Variants in GRM8 observed in about 807,000 individuals in gnomAD.
GRM8 encodes the protein glutamate metabotropic receptor 8, also known as metabotropic glutamate receptor 8.
In GRM8, 47 loss-of-function variants were observed where a neutral mutation model predicts 87.2. The ratio of observed to expected loss-of-function variants is 0.54; its 90% CI spans 0.43 to 0.69. The LOEUF (loss-of-function observed/expected upper bound fraction) is 0.69. GRM8 is among the 30% of genes least tolerant of loss of function. GRM8 has a pLI of 0.00. For missense variants in GRM8, 1,019 were observed against 1,139.2 expected (o/e 0.89, Z 1.52); for synonymous variants, 396 against 404.5 (o/e 0.98, Z 0.25).
At chr7:126,643,563 T>C (rs1802714397) in intron 7 of GRM8, among the ~76,000 whole-genome samples, 1 of 151,820 alleles carries the variant, frequency 6.6e-6, no homozygotes, top group Admixed American at 6.6e-5. Context: ...AAAGGATAAT[T>C]AAAAGCAACA....
At chr7:127,134,900 C>T (rs1261976771) in intron 2 of GRM8, among the ~76,000 whole-genome samples, 1 of 152,120 alleles carries the variant, frequency 6.6e-6, no homozygotes, top group South Asian at 2.1e-4. Flanking sequence ...AAACAGCTAA[C>T]ATTTCTGCAA....
At chr7:126,473,251 G>T (rs142020145) in intron 9 of GRM8, among the ~76,000 whole-genome samples, 1 of 152,282 alleles carries the variant, frequency 6.6e-6, no homozygotes. Context: ...CCGGAACTGG[G>T]GTGGTATTCT....
intron 8 of GRM8, among the ~76,000 whole-genome samples, chr7:126,608,250 A>C (rs541928469): frequency 1.4e-4 from 22 of 151,976 alleles, no homozygotes; most frequent in African/African-American, 5.3e-4. Flanking sequence ...GATGGTACCT[A>C]GCAGCTCTCC....
chr7:126,893,665 T>C (rs892827403), intron 6 of GRM8, among the ~76,000 whole-genome samples: 26 of 151,990 alleles, frequency 1.7e-4, no homozygotes, highest in African/African-American at 5.6e-4. Context: ...TACAAACTAT[T>C]GTCTGACTAT....
intron 7 of GRM8, among the ~76,000 whole-genome samples, chr7:126,759,021 C>T (rs894932149): frequency 6.6e-6 from 1 of 152,066 alleles, no homozygotes; most frequent in Non-Finnish European, 1.5e-5. Context: ...CCTCAGCCTC[C>T]CTAGCAGCTG....
intron 3 of GRM8, among the ~76,000 whole-genome samples, chr7:127,061,417 A>C (rs953528180): frequency 1.3e-5 from 2 of 152,200 alleles, no homozygotes; most frequent in Non-Finnish European, 2.9e-5. Context: ...ATTTTTAACC[A>C]AAAAAATACA....
At chr7:127,143,318 T>C (rs1274782991) in intron 2 of GRM8, among the ~76,000 whole-genome samples, 1 of 152,098 alleles carries the variant, frequency 6.6e-6, no homozygotes, top group African/African-American at 2.4e-5. Context: ...GGCAAACCAT[T>C]GAAATTGTGA....
At chr7:126,892,118 T>A (rs1197937102) in intron 6 of GRM8, among the ~76,000 whole-genome samples, 1 of 151,610 alleles carries the variant, frequency 6.6e-6, no homozygotes, top group Admixed American at 6.6e-5. Context: ...TTGTATAACT[T>A]TTTACATTTT....
At chr7:126,883,062 C>G (rs1800165651) in intron 6 of GRM8, among the ~76,000 whole-genome samples, 2 of 152,272 alleles carry the variant, frequency 1.3e-5, no homozygotes, top group Middle Eastern at 3.4e-3. Flanking sequence ...TCTCCTTGGT[C>G]AAGGGGAGAC....
At chr7:127,130,051 G>T (rs147207134) in intron 2 of GRM8, among the ~76,000 whole-genome samples, 2 of 152,202 alleles carry the variant, frequency 1.3e-5, no homozygotes, top group East Asian at 3.9e-4. Context: ...GAGATCTAAT[G>T]GTTTAAAAGT....
intron 9 of GRM8, among the ~76,000 whole-genome samples, chr7:126,494,479 A>G (rs1233236947): frequency 6.6e-6 from 1 of 152,056 alleles, no homozygotes; most frequent in Non-Finnish European, 1.5e-5. Context: ...TCTTGATGTT[A>G]ATCATTTATA....
At chr7:126,960,354 A>G (rs1233593071) in intron 3 of GRM8, among the ~76,000 whole-genome samples, 1 of 152,198 alleles carries the variant, frequency 6.6e-6, no homozygotes, top group Non-Finnish European at 1.5e-5. Flanking sequence ...TACTCCCTCT[A>G]AAAAACACAA....
intron 2 of GRM8, among the ~76,000 whole-genome samples, chr7:127,181,634 G>C (rs561377954): frequency 2.0e-4 from 31 of 152,014 alleles, no homozygotes; most frequent in Non-Finnish European, 3.7e-4. Context: ...CATGGTACTG[G>C]TATAAAAATA....
At chr7:126,545,729 C>T (rs2150910081) in intron 8 of GRM8, among the ~76,000 whole-genome samples, 1 of 152,192 alleles carries the variant, frequency 6.6e-6, no homozygotes, top group South Asian at 2.1e-4. Context: ...TTAAATTGAT[C>T]CTTCATTGCT....
intron 3 of GRM8, among the ~76,000 whole-genome samples, chr7:126,907,510 C>G (rs1401783133): frequency 6.6e-6 from 1 of 151,892 alleles, no homozygotes; most frequent in African/African-American, 2.4e-5. Context: ...AGGATGAGAG[C>G]ATGGGAAAGG....
chr7:127,117,072 G>A (rs1222083889), intron 2 of GRM8, among the ~76,000 whole-genome samples: 1 of 151,972 alleles, frequency 6.6e-6, no homozygotes, highest in Non-Finnish European at 1.5e-5. Flanking sequence ...TAAGTCAAGA[G>A]TCCAGAAAAA....
intron 3 of GRM8, among the ~76,000 whole-genome samples, chr7:126,995,815 A>G (rs1413655318): frequency 1.3e-5 from 2 of 152,072 alleles, no homozygotes; most frequent in East Asian, 3.9e-4. Context: ...GGGATAATAT[A>G]AAAGAACTTC....
chr7:126,737,521 C>T (rs532275996), intron 7 of GRM8, among the ~76,000 whole-genome samples: 7 of 152,094 alleles, frequency 4.6e-5, no homozygotes, highest in Admixed American at 4.6e-4. Flanking sequence ...CTTTCTCTAT[C>T]GTAATTCCCC....
At chr7:126,709,040 G>A (rs575714605) in intron 7 of GRM8, among the ~76,000 whole-genome samples, 14 of 152,150 alleles carry the variant, frequency 9.2e-5, no homozygotes, top group Admixed American at 3.3e-4. Context: ...CATGATGTAT[G>A]TGTATTACAA....
Sources: allele counts gnomAD v4.1 joint callset (sites outside exome capture counted in the v4.1 genomes callset), GRCh38; gene constraint gnomAD v4.1.1; transcripts MANE v1.5; gene names NCBI Gene and HGNC (gene_info 2026-07-23, HGNC 2026-07-21).